Variants in LNX1 observed in about 807,000 individuals in gnomAD.
LNX1 encodes the protein ligand of numb-protein X 1.
LNX1 carries 54 observed loss-of-function variants against 68.4 expected under a neutral mutation model. The ratio of observed to expected loss-of-function variants is 0.79; its 90% CI spans 0.63 to 0.99. LNX1 has a LOEUF of 0.99. Among genes scored for constraint, LNX1 ranks in the 50% least tolerant of loss-of-function variants. The pLI is 0.00. For synonymous variants in LNX1, 336 were observed against 350.0 expected (o/e 0.96, Z 0.45); for missense variants, 906 against 926.4 (o/e 0.98, Z 0.29).
chr4:53,631,163 G>A (rs1734255372), intron 1 of LNX1, among the ~76,000 whole-genome samples: 1 of 150,990 alleles, frequency 6.6e-6, no homozygotes, highest in Admixed American at 6.6e-5. Flanking sequence ...GACAGTTTTA[G>A]TACCCAGGGG....
intron 2 of LNX1, among the ~76,000 whole-genome samples, chr4:53,534,905 A>T (rs1341310210): frequency 1.3e-5 from 2 of 152,198 alleles, no homozygotes; most frequent in African/African-American, 4.8e-5. Context: ...CCTTGTTGTA[A>T]AAATCGTTGA....
chr4:53,539,558 CTGTT>C (rs1204929755), intron 2 of LNX1, among the ~76,000 whole-genome samples: 1 of 152,116 alleles, frequency 6.6e-6, no homozygotes, highest in African/African-American at 2.4e-5. Flanking sequence ...CTTTAAATGA[CTGTT>C]TGTGTAAGAA....
intron 2 of LNX1, among the ~76,000 whole-genome samples, chr4:53,605,126 C>G (rs1329095579): frequency 6.6e-6 from 1 of 152,058 alleles, no homozygotes; most frequent in African/African-American, 2.4e-5. Context: ...AGTTACAAGG[C>G]CCACCCAGAT....
At chr4:53,505,884 TG>T (rs1435580001) in intron 4 of LNX1, among the ~76,000 whole-genome samples, 5 of 151,334 alleles carry the variant, frequency 3.3e-5, no homozygotes, top group Admixed American at 1.3e-4. Flanking sequence ...GAAAGGAGAG[TG>T]GGAGCGCAGG....
chr4:53,542,410 A>C (rs1728823391), intron 2 of LNX1, among the ~76,000 whole-genome samples: 1 of 152,210 alleles, frequency 6.6e-6, no homozygotes, highest in Admixed American at 6.5e-5. Flanking sequence ...TAGTCCAAAG[A>C]AAGCTGAAAA....
chr4:53,483,780 G>A (rs1226010602), intron 6 of LNX1, among the ~76,000 whole-genome samples: 2 of 152,188 alleles, frequency 1.3e-5, no homozygotes, highest in Non-Finnish European at 2.9e-5. Context: ...ATGGTTATTG[G>A]GCTAGGGGAG....
chr4:53,555,670 C>A (rs893894661), intron 2 of LNX1, among the ~76,000 whole-genome samples: 107 of 152,272 alleles, frequency 7.0e-4, no homozygotes, highest in African/African-American at 2.5e-3. Flanking sequence ...TTAATTATCC[C>A]CAGTAGCATC....
intron 2 of LNX1, among the ~76,000 whole-genome samples, chr4:53,611,227 A>G (rs1324870561): frequency 3.3e-5 from 5 of 152,168 alleles, no homozygotes; most frequent in Admixed American, 6.5e-5. Context: ...AATGAAAAAA[A>G]AAGTCTAAAA....
chr4:53,585,675 T>C (rs1732126187), intron 1 of LNX1, among the ~76,000 whole-genome samples: 1 of 151,972 alleles, frequency 6.6e-6, no homozygotes, highest in Non-Finnish European at 1.5e-5. Context: ...GAGGCAGAGA[T>C]TGGAATTATG....
chr4:53,568,009 T>C (rs1730826879), intron 2 of LNX1, among the ~76,000 whole-genome samples: 1 of 152,036 alleles, frequency 6.6e-6, no homozygotes, highest in East Asian at 1.9e-4. Context: ...AATCAGTAGC[T>C]TACCAACCAA....
chr4:53,508,856 G>T (rs1560635487), intron 2 of LNX1, among the ~76,000 whole-genome samples: 1 of 152,048 alleles, frequency 6.6e-6, no homozygotes, highest in Non-Finnish European at 1.5e-5. Context: ...TCATTGCCAT[G>T]TTGTCTACCA....
Position 53,639,968 on chromosome 4 carries a change from G to A in LNX1, c.-215+12200C>T, listed in dbSNP as rs556539914. Reference sequence around the variant, plus strand: ...AAATTGCTTGAACCCAGAGGCAGAGGTTGCAGTGAGCTGAGACTGCACCAC... The same window carrying A: ...AAATTGCTTGAACCCAGAGGCAGAGATTGCAGTGAGCTGAGACTGCACCAC... On this transcript the variant is annotated intron_variant, in intron 1 of 2. Transcript: ENST00000507168. 3.9e-4 allele frequency among the ~76,000 whole-genome samples: 60 copies of A among 152,204 alleles called. 1 individual carries two copies. Among genetic ancestry groups the A allele is most frequent in the African/African-American group, 1.3e-3 (53 of 41,530 alleles).
At chr4:53,513,753 C>T (rs1032375804) in intron 2 of LNX1, among the ~76,000 whole-genome samples, 25 of 152,256 alleles carry the variant, frequency 1.6e-4, no homozygotes, top group African/African-American at 4.6e-4. Flanking sequence ...ATTATCCCAA[C>T]AGTCTCCCAA....
chr4:53,586,861 T>A (rs1296565594), intron 1 of LNX1, among the ~76,000 whole-genome samples: 1 of 152,248 alleles, frequency 6.6e-6, no homozygotes, highest in Non-Finnish European at 1.5e-5. Flanking sequence ...GTTTGCAATA[T>A]GCAAGATACT....
exon 1 of LNX1, chr4:53,617,393 C>A (rs1733717966): frequency 6.6e-6 from 1 of 152,092 alleles, no homozygotes; most frequent in Admixed American, 6.6e-5. Context: ...AGGATAATAT[C>A]CAGAAAAGAA....
intron 1 of LNX1, 42 bp from the exon 2 acceptor site, chr4:53,574,130 T>C (rs1731340920): frequency 2.2e-6 from 3 of 1,362,434 alleles, no homozygotes; most frequent in East Asian, 2.5e-5. Context: ...TCCCAGCACA[T>C]GAAAGGCTTA....
intron 9 of LNX1, among the ~76,000 whole-genome samples, chr4:53,470,322 T>C (rs1307836530): frequency 6.6e-6 from 1 of 152,164 alleles, no homozygotes; most frequent in Admixed American, 6.5e-5. Flanking sequence ...ATAAATTAGG[T>C]ATTGATGGGA....
chr4:53,635,953 G>A (rs373949008), intron 1 of LNX1, among the ~76,000 whole-genome samples: 59 of 152,330 alleles, frequency 3.9e-4, no homozygotes, highest in African/African-American at 1.1e-3. Context: ...GATACGGCCA[G>A]TGATGGGGAA....
chr4:53,650,652 G>A lies in LNX1; in HGVS notation c.-215+1516C>T, dbSNP rs141918725. ...TTAGATCTGTCTAGCTCTTTTCACC[G>A]TTCTATACTACCGCCCTACATATAG... is the stretch of plus-strand genomic sequence containing the variant. On this transcript the variant is annotated intron_variant, in intron 1 of 2. Transcript: ENST00000507168. 6.8e-3 allele frequency among the ~76,000 whole-genome samples: 1,036 copies of A among 152,206 alleles called. 11 individuals carry two copies. The highest frequency in any genetic ancestry group is 0.02 in the Middle Eastern group (6 of 294).
Sources: gnomAD v4.1 joint callset for allele counts (sites outside exome capture counted in the v4.1 genomes callset) on GRCh38, gnomAD v4.1.1 for gene constraint, MANE v1.5 for transcripts, NCBI Gene and HGNC (gene_info 2026-07-23, HGNC 2026-07-21) for gene names.